CECR2: variants seen among roughly 807,000 people sequenced by gnomAD.
The protein encoded by CECR2 is CECR2 histone acetyl-lysine reader.
A neutral mutation model predicts 154.5 loss-of-function variants in CECR2; 30 were observed. The ratio of observed to expected loss-of-function variants is 0.19; its 90% CI spans 0.15 to 0.26. The LOEUF (loss-of-function observed/expected upper bound fraction) is 0.26. CECR2 is among the 10% of genes least tolerant of loss of function. The pLI, the probability that CECR2 is intolerant of heterozygous loss-of-function variation, is 1.00. For missense variants in CECR2, 1,743 were observed against 1,829.3 expected (o/e 0.95, Z 0.86); for synonymous variants, 725 against 683.7 (o/e 1.06, Z -0.94).
At chr22:17,406,878 T>A (rs1365542048) in intron 1 of CECR2, among the ~76,000 whole-genome samples, 4 of 152,170 alleles carry the variant, frequency 2.6e-5, no homozygotes, top group Admixed American at 2.6e-4. Flanking sequence ...AATTAACCCT[T>A]TACTGCCTGG....
intron 1 of CECR2, among the ~76,000 whole-genome samples, chr22:17,444,157 C>T (rs1354435530): frequency 1.3e-5 from 2 of 152,120 alleles, no homozygotes; most frequent in African/African-American, 4.8e-5. Flanking sequence ...ATCTTGTCAC[C>T]CTCTCTTTCA....
intron 9 of CECR2, among the ~76,000 whole-genome samples, chr22:17,526,995 G>A (rs1011609282): frequency 6.6e-6 from 1 of 152,130 alleles, no homozygotes; most frequent in Admixed American, 6.6e-5. Context: ...CCAGCAAAGT[G>A]AAGAGACAAC....
chr22:17,514,759 C>A (rs983704881), intron 8 of CECR2, among the ~76,000 whole-genome samples: 2 of 152,102 alleles, frequency 1.3e-5, no homozygotes, highest in African/African-American at 4.8e-5. Context: ...GTGGGCCAGG[C>A]GCGGTGGCTC....
chr22:17,373,972 C>G (rs1422933025), intron 1 of CECR2, among the ~76,000 whole-genome samples: 1 of 152,210 alleles, frequency 6.6e-6, no homozygotes, highest in African/African-American at 2.4e-5. Flanking sequence ...AGATTTACTA[C>G]TGTTTTCCCC....
chr22:17,414,799 G>A (rs2054132343), intron 1 of CECR2, among the ~76,000 whole-genome samples: 1 of 152,046 alleles, frequency 6.6e-6, no homozygotes, highest in African/African-American at 2.4e-5. Context: ...TGGTTGGGGT[G>A]AGGCGTTAGG....
At chr22:17,431,112 T>C (rs2146636173) in intron 1 of CECR2, among the ~76,000 whole-genome samples, 1 of 152,348 alleles carries the variant, frequency 6.6e-6, no homozygotes, top group African/African-American at 2.4e-5. Flanking sequence ...AGCTTCTGAA[T>C]GCTGTATCTG....
chr22:17,542,900 A>T lies in CECR2; in HGVS notation c.2757A>T (p.Val919=). Residue 919 remains valine (V), a synonymous_variant, in exon 16 of 19, where the codon GTA becomes GTT. Coordinates refer to ENST00000262608, the MANE Select transcript of CECR2 (RefSeq NM_001290047.2). ...GTTTACCTGGCCCTTTTCCGCAGGTAGCTCACCCAATGTCAGTCACTGTGT... is the reference window on the plus strand; with the variant it reads ...GTTTACCTGGCCCTTTTCCGCAGGTTGCTCACCCAATGTCAGTCACTGTGT... ...HPRLPGPFPQ[V]AHPMSVTVSA... is the part of the protein sequence containing the mutation. 1.9e-6 allele frequency: 3 copies of T among 1,613,814 alleles called. No individual in the cohort carries two copies. Among genetic ancestry groups the T allele is most frequent in the Non-Finnish European group, 2.5e-6 (3 of 1,179,838 alleles).
At chr22:17,365,855 C>A (rs13054596), upstream of CECR2, among the ~76,000 whole-genome samples, 8,931 of 150,348 alleles carry the variant, frequency 0.059, 352 homozygotes, top group East Asian at 0.23. Context: ...GGGAGACCCC[C>A]TATGTAAAAA....
At chr22:17,504,075 T>TAAAA (rs1555920645) in intron 6 of CECR2, among the ~76,000 whole-genome samples, 2 of 149,940 alleles carry the variant, frequency 1.3e-5, no homozygotes, top group Admixed American at 6.6e-5. Flanking sequence ...AATAAATAAA[T>TAAAA]AAAATTTAAA....
intron 1 of CECR2, chr22:17,419,510 GGAAGAAGAAGAA>G (rs374747773): frequency 6.1e-6 from 1 of 164,066 alleles, no homozygotes; most frequent in African/African-American, 5.0e-5. Flanking sequence ...AGGAAGAGGA[GGAAGAAGAAGAA>G]GAAGAAGAGG....
chr22:17,362,236 G>T (rs746013918), intron 1 of CECR2, among the ~76,000 whole-genome samples: 3 of 152,018 alleles, frequency 2.0e-5, no homozygotes, highest in South Asian at 4.2e-4. Context: ...TAAAGATGAG[G>T]TTTCACCATG....
intron 1 of CECR2, among the ~76,000 whole-genome samples, chr22:17,370,590 G>T (rs1315136090): frequency 6.6e-6 from 1 of 152,170 alleles, no homozygotes; most frequent in African/African-American, 2.4e-5. Context: ...CGGGGCTCGG[G>T]AGCCCTTGGA....
intron 7 of CECR2, among the ~76,000 whole-genome samples, chr22:17,506,306 A>T (rs967836129): frequency 6.6e-6 from 1 of 150,662 alleles, no homozygotes; most frequent in Non-Finnish European, 1.5e-5. Context: ...TTTTAATTTT[A>T]TCTGTGCGTA....
At chr22:17,367,617 C>A (rs1272450680), upstream of CECR2, among the ~76,000 whole-genome samples, 5 of 152,174 alleles carry the variant, frequency 3.3e-5, no homozygotes, top group Admixed American at 3.3e-4. Flanking sequence ...GAACTCCTGA[C>A]CTAAGGTGAA....
At chr22:17,408,230 A>G (rs1044721194) in intron 1 of CECR2, among the ~76,000 whole-genome samples, 10 of 104,312 alleles carry the variant, frequency 9.6e-5, no homozygotes, top group Admixed American at 2.7e-4. Flanking sequence ...GCCCCTGGCA[A>G]TCACTCGTCT....
intron 1 of CECR2, among the ~76,000 whole-genome samples, chr22:17,436,849 C>T (rs1443896380): frequency 3.9e-5 from 6 of 152,184 alleles, no homozygotes; most frequent in African/African-American, 1.2e-4. Context: ...TGGGCTCTTG[C>T]GCCTCTGGCT....
chr22:17,445,879 ACTG>A (rs1258554638), intron 1 of CECR2, among the ~76,000 whole-genome samples: 1 of 152,126 alleles, frequency 6.6e-6, no homozygotes. Flanking sequence ...GCACCTGGCC[ACTG>A]CTGTATACTT....
rs368541276 is a variant in CECR2, at chr22:17,549,400, A to G, written c.4113A>G (p.Pro1371=). 1.9e-5 allele frequency: 30 copies of G among 1,612,824 alleles called. No homozygotes were observed. Among genetic ancestry groups the G allele is most frequent in the Non-Finnish European group, 2.4e-5 (28 of 1,179,634 alleles). ...RAYSSPVAAL[P]PHHPGATQPN... Reference sequence around the variant, plus strand: ...ACTCTTCCCCTGTGGCTGCCCTCCCACCTCACCACCCAGGGGCCACCCAGC... The same window carrying G: ...ACTCTTCCCCTGTGGCTGCCCTCCCGCCTCACCACCCAGGGGCCACCCAGC... Residue 1371 remains proline, a synonymous_variant, in exon 17 of 19, where the codon CCA becomes CCG. Transcript: ENST00000262608.
chr22:17,510,038 G>A (rs2055914719), intron 7 of CECR2, among the ~76,000 whole-genome samples: 1 of 152,152 alleles, frequency 6.6e-6, no homozygotes, highest in African/African-American at 2.4e-5. Flanking sequence ...TGTTGCTCAT[G>A]TTACAGAATA....
Sources: gnomAD v4.1 joint callset for allele counts (sites outside exome capture counted in the v4.1 genomes callset) on GRCh38, gnomAD v4.1.1 for gene constraint, MANE v1.5 for transcripts, NCBI Gene and HGNC (gene_info 2026-07-23, HGNC 2026-07-21) for gene names.